The following COL25A1 variants were observed in gnomAD, a reference collection of about 807,000 sequenced individuals.
COL25A1 encodes collagen type XXV alpha 1 chain, also known as collagen alpha-1(XXV) chain.
A neutral mutation model predicts 128.4 loss-of-function variants in COL25A1; 103 were observed. The observed-to-expected ratio is 0.80, with a 90% confidence interval of 0.68 to 0.94. COL25A1 has a LOEUF of 0.94. Ranked by LOEUF, COL25A1 falls within the 40% of genes least tolerant of loss-of-function variation. The pLI is 0.00. For missense variants in COL25A1, 745 were observed against 840.0 expected, an observed-to-expected ratio of 0.89 and a Z score of 1.40; for synonymous variants, 279 against 277.2, an observed-to-expected ratio of 1.01 and a Z score of -0.06.
intron 6 of COL25A1, among the ~76,000 whole-genome samples, chr4:108,975,009 T>C (rs1258639453): frequency 6.6e-6 from 1 of 152,230 alleles, no homozygotes; most frequent in Non-Finnish European, 1.5e-5. Flanking sequence ...TTTGCTTAAT[T>C]AGTATGAAAT....
At chr4:108,905,738 T>C (rs1743404533) in intron 13 of COL25A1, among the ~76,000 whole-genome samples, 1 of 151,792 alleles carries the variant, frequency 6.6e-6, no homozygotes, top group Non-Finnish European at 1.5e-5. Context: ...GAAGGAGTAC[T>C]ATCAGTATTA....
intron 5 of COL25A1, among the ~76,000 whole-genome samples, chr4:109,035,229 A>C (rs1759228283): frequency 6.6e-6 from 1 of 152,242 alleles, no homozygotes. Flanking sequence ...TCCCCAAGCA[A>C]GAAACCTTCT....
intron 10 of COL25A1, among the ~76,000 whole-genome samples, chr4:108,938,856 CA>C (rs58365995): frequency 0.052 from 7,050 of 134,754 alleles, 419 homozygotes; most frequent in African/African-American, 0.15. Context: ...GACTCCGTCT[CA>C]AAAAAAAAAA....
At chr4:108,940,455 C>T (rs1747947896) in intron 10 of COL25A1, 84 bp downstream of exon 10, 1 of 1,140,258 alleles carries the variant, frequency 8.8e-7, no homozygotes, top group African/African-American at 1.5e-5. Flanking sequence ...ACCTGATGCC[C>T]CTCACCACCC....
chr4:109,215,238 G>GA (rs753341195), intron 3 of COL25A1, among the ~76,000 whole-genome samples: 13 of 152,250 alleles, frequency 8.5e-5, no homozygotes, highest in Non-Finnish European at 1.5e-4. Context: ...ACAAAATGAA[G>GA]ATTTGTTTTC....
chr4:108,908,436 C>A (rs891688471), intron 13 of COL25A1, among the ~76,000 whole-genome samples: 3 of 152,200 alleles, frequency 2.0e-5, no homozygotes, highest in Non-Finnish European at 2.9e-5. Flanking sequence ...CTCCTACTTG[C>A]ATCCCCAATC....
At chr4:109,211,222 TTG>T (rs374984379) in intron 3 of COL25A1, among the ~76,000 whole-genome samples, 74 of 141,342 alleles carry the variant, frequency 5.2e-4, no homozygotes, top group Non-Finnish European at 7.3e-4. Flanking sequence ...TATATATATA[TTG>T]TGTGTGTGTA....
chr4:108,921,173 A>G (rs1473277541), intron 11 of COL25A1, among the ~76,000 whole-genome samples: 1 of 152,208 alleles, frequency 6.6e-6, no homozygotes, highest in Non-Finnish European at 1.5e-5. Context: ...CCGAGTATAT[A>G]CTAGAAAAGG....
At chr4:108,860,620 T>C (rs950064672) in intron 23 of COL25A1, among the ~76,000 whole-genome samples, 2 of 152,152 alleles carry the variant, frequency 1.3e-5, no homozygotes, top group African/African-American at 2.4e-5. Flanking sequence ...TTGCTTTCTT[T>C]ATAATTGAGT....
intron 5 of COL25A1, among the ~76,000 whole-genome samples, chr4:109,015,264 G>A (rs1195122134): frequency 6.6e-6 from 1 of 152,172 alleles, no homozygotes; most frequent in Non-Finnish European, 1.5e-5. Context: ...TCGTTACTGA[G>A]TAGTATTGTT....
At chr4:109,073,496 G>T (rs557115527) in intron 3 of COL25A1, among the ~76,000 whole-genome samples, 8 of 151,976 alleles carry the variant, frequency 5.3e-5, no homozygotes, top group Admixed American at 1.3e-4. Context: ...TCTTTAATAA[G>T]TGCCCCCTGG....
intron 3 of COL25A1, among the ~76,000 whole-genome samples, chr4:109,086,549 T>C (rs762836982): frequency 9.2e-5 from 14 of 152,204 alleles, no homozygotes; most frequent in Admixed American, 5.9e-4. Flanking sequence ...ATTTAAAATA[T>C]TCAAAAATAA....
intron 3 of COL25A1, among the ~76,000 whole-genome samples, chr4:109,126,937 C>A (rs1462957339): frequency 2.6e-5 from 4 of 151,906 alleles, no homozygotes; most frequent in Non-Finnish European, 1.5e-5. Flanking sequence ...AGAAACGTCT[C>A]TCTTTACTTC....
intron 3 of COL25A1, among the ~76,000 whole-genome samples, chr4:109,178,265 A>C (rs548158369): frequency 3.2e-4 from 48 of 152,322 alleles, no homozygotes; most frequent in African/African-American, 1.1e-3. Context: ...TGCTAAAAAC[A>C]TTTTCAACTA....
intron 3 of COL25A1, among the ~76,000 whole-genome samples, chr4:109,125,586 C>T (rs138222889): frequency 3.9e-5 from 6 of 152,136 alleles, no homozygotes; most frequent in Non-Finnish European, 7.4e-5. Context: ...CAAAATTATT[C>T]CTAAGGTTTC....
At chr4:109,271,323 T>C (rs780448472) in intron 3 of COL25A1, among the ~76,000 whole-genome samples, 9 of 152,232 alleles carry the variant, frequency 5.9e-5, no homozygotes, top group Non-Finnish European at 5.9e-5. Flanking sequence ...AATTTTATAG[T>C]GTACTAAATT....
intron 18 of COL25A1, among the ~76,000 whole-genome samples, chr4:108,888,645 G>A (rs1047767876): frequency 5.3e-5 from 8 of 152,114 alleles, no homozygotes; most frequent in African/African-American, 1.9e-4. Flanking sequence ...CCATAAAATG[G>A]TATGGCTATA....
intron 3 of COL25A1, among the ~76,000 whole-genome samples, chr4:109,262,574 G>A (rs111620835): frequency 1.5e-4 from 23 of 152,080 alleles, no homozygotes; most frequent in African/African-American, 5.1e-4. Context: ...TAACAAAAAC[G>A]TTTAGGGTAA....
rs1460975942 is a variant in COL25A1 at position 108,942,145 on chromosome 4, G to A, written c.493-708C>T. The A allele has an allele frequency of 4.7e-6, 7 of 1,504,234 alleles. No homozygotes were observed. The African/African-American group carries it at 9.7e-5, about 21-fold the overall frequency. The allele number at this position is 1,504,234 out of a possible 1,614,324, so 93.2% of individuals were successfully genotyped here. ...ACGGGCTCGGCAAGCCAATTGAATG[G>A]TTCCTGCTCACGCTTATGCTGATTG... On this transcript the variant is annotated intron_variant, in intron 8 of 37. Transcript: ENST00000399132.
Sources: gnomAD v4.1 joint callset for allele counts (sites outside exome capture counted in the v4.1 genomes callset) on GRCh38, gnomAD v4.1.1 for gene constraint, MANE v1.5 for transcripts, NCBI Gene and HGNC (gene_info 2026-07-23, HGNC 2026-07-21) for gene names.